Variants in BRAT1 observed in about 807,000 individuals in gnomAD.
BRAT1 encodes integrator complex assembly factor BRAT1.
In BRAT1, 74 loss-of-function variants were observed where a neutral mutation model predicts 70.6. The observed-to-expected ratio is 1.05, with a 90% CI of 0.87 to 1.27. The LOEUF (loss-of-function observed/expected upper bound fraction) is 1.27, where lower values mean the gene tolerates loss of function less well. Among genes scored for constraint, BRAT1 ranks in the 50% most tolerant of loss-of-function variants. BRAT1 has a pLI of 0.00. For synonymous variants in BRAT1, 615 were observed against 517.1 expected (o/e 1.19, Z -2.57); for missense variants, 1,203 against 1,098.2 (o/e 1.10, Z -1.35).
rs942240645 is a variant in BRAT1 at position 2,554,351 on chromosome 7, G to A, written c.81C>T (p.Thr27=). ...VDPRQPVADD[T]CLEKLLDWFK... ...ACCAGTCCAGGAGCTTCTCCAAACA[G>A]GTGTCATCTGCCACCGGCTGCCTGG... The change falls in exon 2 of 14, where the codon ACC becomes ACT. Residue 27 remains threonine (T), a synonymous_variant. Transcript: ENST00000340611. The A allele has an allele frequency of 6.2e-7, 1 of 1,614,052 alleles. No individual in the cohort carries two copies. Among genetic ancestry groups the A allele is most frequent in the South Asian group, 1.1e-5 (1 of 91,076 alleles).
Position 2,537,858 on chromosome 7 carries a change from A to C in BRAT1, c.*211T>G, listed in dbSNP as rs1778801775. The C allele has an allele frequency of 1.3e-6, 1 of 770,424 alleles. No individual in the cohort carries two copies. The highest frequency in any genetic ancestry group is 1.8e-6 in the Non-Finnish European group (1 of 542,788). The allele number at this position is 770,424 out of a possible 1,614,324, so 47.7% of individuals were successfully genotyped here. A position where few individuals can be genotyped will look rare whatever the true frequency, so the allele number is the denominator to read the frequency against. On this transcript the variant is annotated 3_prime_UTR_variant, in exon 14 of 14. Transcript: ENST00000340611. ...AAATTAACTCAAAAAGGGTTAAAGAAAGACTTCAATGCCATTTATTTTGAG... is the reference window on the plus strand; with the variant it reads ...AAATTAACTCAAAAAGGGTTAAAGACAGACTTCAATGCCATTTATTTTGAG...
intron 3 of BRAT1, 118 bp downstream of exon 3, chr7:2,547,206 G>A (rs1779679464): frequency 1.5e-6 from 2 of 1,328,984 alleles, no homozygotes; most frequent in Non-Finnish European, 2.1e-6. Context: ...AGGACACAGG[G>A]TCGGGGCAGG....
intron 3 of BRAT1, among the ~76,000 whole-genome samples, chr7:2,545,615 G>A (rs965882339): frequency 1.3e-5 from 2 of 150,952 alleles, no homozygotes; most frequent in African/African-American, 2.4e-5. Context: ...TCAGCCTCCT[G>A]AGTAGCTGGC....
chr7:2,541,267 C>T (rs200112406), intron 9 of BRAT1, 31 bp downstream of exon 9: 495 of 1,538,896 alleles, frequency 3.2e-4, no homozygotes, highest in Non-Finnish European at 2.9e-4. Context: ...CAGGGATAGC[C>T]CCACGCCAAA....
chr7:2,541,928 C>G, intron 7 of BRAT1, 92 bp from the exon 8 acceptor site: 1 of 1,407,566 alleles, frequency 7.1e-7, no homozygotes, highest in Non-Finnish European at 9.9e-7. Flanking sequence ...ACAGCACAGG[C>G]CAGGACCTAG....
In BRAT1 at chr7:2,541,386, C is replaced by T. The variant is rs556970046; in HGVS notation, c.1233G>A (p.Val411=). The T allele has an allele frequency of 1.2e-4, 190 of 1,607,054 alleles. 2 individuals carry two copies. The South Asian group carries it at 1.9e-3, about 16-fold the overall frequency. The change falls in exon 9 of 14, where the codon GTG becomes GTA. Residue 411 remains valine (V), a synonymous_variant. Coordinates refer to ENST00000340611, the MANE Select transcript of BRAT1 (RefSeq NM_152743.4). ...CDGSAAPASS[V]GGHLCGTLAG... ...CCAGGGTCCCACAGAGGTGGCCCCC[C>T]ACACTGGAGGCAGGGGCAGCCGAGC...
Position 2,538,315 on chromosome 7 carries a change from C to G in BRAT1, c.2220G>C (p.Arg740Ser), listed in dbSNP as rs1471229077. 1.2e-6 allele frequency: 2 copies of G among 1,613,000 alleles called. No individual in the cohort carries two copies. The change falls in exon 14 of 14, where the codon AGG becomes AGC. Residue 740 changes from arginine (R) to serine (S), a missense_variant. Transcript: ENST00000340611. ...CTGCGGAGGCAGTGTTGGGGCTGCCCCTGGCCTCCCGCAGGCTGCTGTAGG... is the reference window on the plus strand; with the variant it reads ...CTGCGGAGGCAGTGTTGGGGCTGCCGCTGGCCTCCCGCAGGCTGCTGTAGG... The part of the protein sequence containing the change: ...IASYSSLREA[R>S]GSPNTASAEA...
At chr7:2,552,741 CTATT>C (rs1230188032) in intron 2 of BRAT1, among the ~76,000 whole-genome samples, 14 of 150,872 alleles carry the variant, frequency 9.3e-5, no homozygotes, top group Non-Finnish European at 3.0e-5. Context: ...CATTATGACA[CTATT>C]TTTTTTTTTT....
chr7:2,538,563 C>T lies in BRAT1; in HGVS notation c.1972G>A (p.Ala658Thr), dbSNP rs186448943. 3.0e-4 allele frequency: 474 copies of T among 1,600,020 alleles called. No individual in the cohort carries two copies. Among genetic ancestry groups the T allele is most frequent in the Admixed American group, 7.4e-4 (44 of 59,642 alleles). Residue 658 changes from alanine to threonine, a missense_variant, in exon 14 of 14, where the codon GCC (alanine) becomes ACC (threonine). Coordinates refer to ENST00000340611, the MANE Select transcript of BRAT1 (RefSeq NM_152743.4). ...WEVRAQGLEL[A>T]LVFLGQTLGP... Reference sequence around the variant, plus strand: ...AAAGTCTGGCCCAGGAACACGAGGGCCAGCTCCAGGCCCTGGGCGCGGACC... The same window carrying T: ...AAAGTCTGGCCCAGGAACACGAGGGTCAGCTCCAGGCCCTGGGCGCGGACC...
chr7:2,539,618 C>T lies in BRAT1; in HGVS notation c.1523G>A (p.Arg508His), dbSNP rs377427021. The change falls in exon 12 of 14, where the codon CGC becomes CAC. Residue 508 changes from arginine (R) to histidine (H), a missense_variant. Arg to His is a conservative substitution (Grantham distance 29, BLOSUM62 0). Coordinates refer to ENST00000340611, the MANE Select transcript of BRAT1 (RefSeq NM_152743.4). ...LRELFPVLQK[R>H]LCHPCWEVRD... is the part of the protein sequence containing the mutation. ...CACCTCCCAGCAGGGGTGGCACAGG[C>T]GTTTCTGCAGCACAGGGAACAGCTC... The T allele has an allele frequency of 3.0e-5, 48 of 1,594,418 alleles. No individual in the cohort carries two copies. Among genetic ancestry groups the T allele is most frequent in the African/African-American group, 1.1e-4 (8 of 74,454 alleles).
In BRAT1 at chr7:2,539,840, G is replaced by C; in HGVS notation, c.1444C>G (p.Pro482Ala). The C allele has an allele frequency of 1.2e-6, 2 of 1,608,122 alleles. No homozygotes were observed. Among genetic ancestry groups the C allele is most frequent in the African/African-American group, 1.3e-5 (1 of 74,908 alleles). ...AGATCAGAGCAGCCGGGGGTCTTGG[G>C]TGAGCTCAGGAGCCACCTGAGCGTG... ...QATLRWLLSS[P>A]KTPGCSDLGP... The change falls in exon 11 of 14, where the codon CCC (proline) becomes GCC (alanine). Residue 482 changes from proline (P) to alanine (A), a missense_variant. Coordinates refer to ENST00000340611, the MANE Select transcript of BRAT1 (RefSeq NM_152743.4).
At chr7:2,541,969 G>C in intron 7 of BRAT1, 133 bp from the exon 8 acceptor site, 1 of 1,213,130 alleles carries the variant, frequency 8.2e-7, no homozygotes, top group Non-Finnish European at 1.2e-6. Flanking sequence ...AGGGGAGATG[G>C]CCATGTCCCC....
At chr7:2,547,237 G>C (rs971581968) in intron 3 of BRAT1, 87 bp downstream of exon 3, 1 of 1,527,798 alleles carries the variant, frequency 6.5e-7, no homozygotes, top group Non-Finnish European at 9.0e-7. Context: ...TTGGGATGGT[G>C]ATGGCTACAA....
In BRAT1 at chr7:2,537,962, G is replaced by T. The variant is rs184247341; in HGVS notation, c.*107C>A. The T allele has an allele frequency of 2.8e-3, 3,839 of 1,394,948 alleles. 38 individuals are homozygous for T. Among genetic ancestry groups the T allele is most frequent in the Middle Eastern group, 0.022 (90 of 4,054 alleles). The allele number at this position is 1,394,948 out of a possible 1,614,324, so 86.4% of individuals were successfully genotyped here. On this transcript the variant is annotated 3_prime_UTR_variant, in exon 14 of 14. Transcript: ENST00000340611. ...TTCTCTCCTGGTCCTGGCTTCCCCA[G>T]AGGATCCACCGGGCTGGGCTGGAGC...
chr7:2,549,839 A>G (rs992149229), intron 2 of BRAT1, among the ~76,000 whole-genome samples: 11 of 152,192 alleles, frequency 7.2e-5, no homozygotes, highest in African/African-American at 2.7e-4. Context: ...AGCAAACAAA[A>G]TGGGCTGTAA....
At chr7:2,554,745 G>A (rs1406908520) in intron 1 of BRAT1, among the ~76,000 whole-genome samples, 3 of 152,322 alleles carry the variant, frequency 2.0e-5, no homozygotes, top group African/African-American at 7.2e-5. Flanking sequence ...TGGTGCAGTC[G>A]GGGCAACAGC....
intron 2 of BRAT1, among the ~76,000 whole-genome samples, chr7:2,550,467 C>CAAAAAA (rs71550358): frequency 4.0e-4 from 13 of 32,606 alleles, no homozygotes; most frequent in Non-Finnish European, 5.7e-4. Context: ...GACTCCATCT[C>CAAAAAA]AAAAAAAAAA....
At position 2,547,329 on chromosome 7, in the gene BRAT1, G is replaced by T; in HGVS notation, c.277C>A (p.Leu93Ile). The change falls in exon 3 of 14, where the codon CTT (leucine) becomes ATT (isoleucine). Residue 93 changes from leucine to isoleucine, a missense_variant. Coordinates refer to ENST00000340611, the MANE Select transcript of BRAT1 (RefSeq NM_152743.4). ...GTGGGAGGCCCCAGGCTCACCTGAAGATACTGGAAGCAGTTTTCCTGGGCT... is the reference window on the plus strand; with the variant it reads ...GTGGGAGGCCCCAGGCTCACCTGAATATACTGGAAGCAGTTTTCCTGGGCT... Reference protein sequence around the residue: ...FAAQENCFQYLQQGELLPGLF... With the variant: ...FAAQENCFQYIQQGELLPGLF... 1 of 1,614,144 alleles carries T rather than the reference G, an allele frequency of 6.2e-7. No homozygotes were observed.
chr7:2,544,219 T>G, intron 4 of BRAT1: 1 of 373,318 alleles, frequency 2.7e-6, no homozygotes. Context: ...TTTTTTTTTT[T>G]TGAGACAGAG....
Sources: gnomAD v4.1 joint callset for allele counts (sites outside exome capture counted in the v4.1 genomes callset) on GRCh38, gnomAD v4.1.1 for gene constraint, MANE v1.5 for transcripts, NCBI Gene and HGNC (gene_info 2026-07-23, HGNC 2026-07-21) for gene names.